Variants in HMGA2 observed in about 807,000 individuals in gnomAD.
The protein encoded by HMGA2 is high mobility group protein HMGI-C.
In HMGA2, 8 loss-of-function variants were observed where a neutral mutation model predicts 19.1. The ratio of observed to expected loss-of-function variants is 0.42; its 90% confidence interval spans 0.25 to 0.76. HMGA2 has a LOEUF of 0.76. Among genes scored for constraint, HMGA2 ranks in the 30% least tolerant of loss-of-function variants. The pLI is 0.28. For synonymous variants in HMGA2, 60 were observed against 48.8 expected (o/e 1.23, Z -0.96); for missense variants, 109 against 136.3 (o/e 0.80, Z 1.00).
chr12:65,903,405 G>A (rs1443818625), intron 3 of HMGA2, among the ~76,000 whole-genome samples: 1 of 152,166 alleles, frequency 6.6e-6, no homozygotes, highest in East Asian at 1.9e-4. Context: ...AACATAAATT[G>A]CAGACTATTA....
intron 3 of HMGA2, among the ~76,000 whole-genome samples, chr12:65,939,386 C>T (rs1024342990): frequency 8.6e-5 from 13 of 151,982 alleles, no homozygotes; most frequent in Admixed American, 3.3e-4. Flanking sequence ...GACCGAGTCT[C>T]GCTCTGTCAC....
At chr12:65,905,129 A>G (rs1307151304) in intron 3 of HMGA2, among the ~76,000 whole-genome samples, 2 of 152,116 alleles carry the variant, frequency 1.3e-5, no homozygotes, top group African/African-American at 4.8e-5. Flanking sequence ...TTTATTTCTT[A>G]GAGGTGTGGC....
intron 3 of HMGA2, among the ~76,000 whole-genome samples, chr12:65,878,140 C>G (rs1475957335): frequency 1.3e-5 from 2 of 152,164 alleles, no homozygotes; most frequent in African/African-American, 4.8e-5. Context: ...TCACACATCC[C>G]CACTATGAAC....
chr12:65,850,498 A>G (rs1487259012), intron 3 of HMGA2, among the ~76,000 whole-genome samples: 2 of 152,080 alleles, frequency 1.3e-5, no homozygotes, highest in East Asian at 1.9e-4. Context: ...ACATAGTCAC[A>G]GTATGAAGAG....
chr12:65,963,377 T>C lies in HMGA2; in HGVS notation c.*85T>C, dbSNP rs750986770. 1.2e-5 allele frequency: 8 copies of C among 688,310 alleles called. No individual in the cohort carries two copies. The highest frequency in any genetic ancestry group is 1.8e-5 in the Non-Finnish European group (8 of 448,836). The allele number at this position is 688,310 out of a possible 1,614,324, so 42.6% of individuals were successfully genotyped here. ...ACTGCAGTGACCACTTATTCTGTAT[T>C]GCCATGGTCTTTCCACTTTCATCTG... On this transcript the variant is annotated 3_prime_UTR_variant, in exon 5 of 5. Transcript: ENST00000403681.
At chr12:65,833,295 T>G (rs898072134) in intron 2 of HMGA2, among the ~76,000 whole-genome samples, 4 of 152,150 alleles carry the variant, frequency 2.6e-5, no homozygotes, top group African/African-American at 7.2e-5. Flanking sequence ...GTTTATATTT[T>G]TAAAAATAGC....
chr12:65,876,048 T>C (rs1202466481), intron 3 of HMGA2, among the ~76,000 whole-genome samples: 27 of 152,170 alleles, frequency 1.8e-4, no homozygotes. Context: ...TTTCTCTTTG[T>C]TGATGTCTTC....
chr12:65,824,713 T>TTCTC lies in HMGA2; in HGVS notation c.-505_-502dup, dbSNP rs60786450. The TTCTC allele has an allele frequency of 0.021, 3,056 of 143,316 alleles. 42 individuals are homozygous for TTCTC. Among genetic ancestry groups the TTCTC allele is most frequent in the East Asian group, 0.035 (422 of 12,174 alleles). The allele number at this position is 143,316 out of a possible 1,614,324, so 8.9% of individuals were successfully genotyped here. On this transcript the variant is annotated 5_prime_UTR_variant, in exon 1 of 5. Coordinates refer to ENST00000403681, the MANE Select transcript of HMGA2 (RefSeq NM_003483.6). ...CCAAGGCACTTTCAATCTCAATCTC[T>TTCTC]TCTCTCTCTCTCTCTCTCTCTCTCT...
intron 3 of HMGA2, among the ~76,000 whole-genome samples, chr12:65,845,581 T>C (rs1871201820): frequency 6.6e-6 from 1 of 152,028 alleles, no homozygotes; most frequent in Non-Finnish European, 1.5e-5. Context: ...TAAGATTTTT[T>C]TTAAAAATCA....
chr12:65,860,643 C>G (rs1487488245), intron 3 of HMGA2, among the ~76,000 whole-genome samples: 1 of 152,180 alleles, frequency 6.6e-6, no homozygotes, highest in Non-Finnish European at 1.5e-5. Flanking sequence ...AAATACGTGG[C>G]TAGGCTACTC....
At chr12:65,868,544 G>T (rs1349738260) in intron 3 of HMGA2, among the ~76,000 whole-genome samples, 1 of 152,084 alleles carries the variant, frequency 6.6e-6, no homozygotes, top group African/African-American at 2.4e-5. Context: ...CCTCACTTGG[G>T]CCCAAAGCAC....
chr12:65,834,309 G>A (rs1365296960), intron 2 of HMGA2, among the ~76,000 whole-genome samples: 2 of 152,278 alleles, frequency 1.3e-5, no homozygotes, highest in African/African-American at 2.4e-5. Context: ...TGCCTTCTGC[G>A]ACTGATACCC....
intron 3 of HMGA2, chr12:65,859,231 A>C (rs920081644): frequency 6.6e-6 from 1 of 152,266 alleles, no homozygotes; most frequent in African/African-American, 2.4e-5. Flanking sequence ...TGTAACTATC[A>C]ATAGCACCCC....
chr12:65,912,520 A>T (rs555066084), intron 3 of HMGA2, among the ~76,000 whole-genome samples: 1 of 152,118 alleles, frequency 6.6e-6, no homozygotes, highest in Non-Finnish European at 1.5e-5. Flanking sequence ...CAATCTGTAG[A>T]GTGTCAGGGG....
intron 3 of HMGA2, among the ~76,000 whole-genome samples, chr12:65,899,765 T>A (rs896279812): frequency 2.0e-5 from 3 of 152,236 alleles, no homozygotes; most frequent in African/African-American, 4.8e-5. Flanking sequence ...GAAGCTCTTT[T>A]ATCTCTGGAT....
chr12:65,857,995 T>C (rs1871831347), intron 3 of HMGA2: 1 of 152,956 alleles, frequency 6.5e-6, no homozygotes, highest in African/African-American at 2.4e-5. Context: ...GAACTTTCTA[T>C]AATGGTGCTT....
At chr12:65,886,881 G>A (rs1275978518) in intron 3 of HMGA2, among the ~76,000 whole-genome samples, 1 of 152,084 alleles carries the variant, frequency 6.6e-6, no homozygotes, top group Non-Finnish European at 1.5e-5. Flanking sequence ...GCTTTTTCAA[G>A]GCACAGTCTA....
intron 3 of HMGA2, among the ~76,000 whole-genome samples, chr12:65,852,371 C>T (rs1220032096): frequency 3.9e-5 from 6 of 152,002 alleles, no homozygotes; most frequent in East Asian, 3.9e-4. Flanking sequence ...AGCATGGTGG[C>T]GCGCTGCTGT....
chr12:65,840,837 G>A (rs1273894478), intron 3 of HMGA2, among the ~76,000 whole-genome samples: 2 of 152,150 alleles, frequency 1.3e-5, no homozygotes, highest in Non-Finnish European at 2.9e-5. Context: ...AATTGCAAGC[G>A]AATACAGTGG....
Sources: allele counts gnomAD v4.1 joint callset (sites outside exome capture counted in the v4.1 genomes callset), GRCh38; gene constraint gnomAD v4.1.1; transcripts MANE v1.5; gene names NCBI Gene and HGNC (gene_info 2026-07-23, HGNC 2026-07-21).